Variants in AFF2 observed in about 807,000 individuals in gnomAD.
AFF2 encodes the protein AF4/FMR2 family member 2.
Under a neutral mutation model 76.9 loss-of-function variants are expected in AFF2, and 14 were observed. The observed-to-expected ratio is 0.18, with a 90% CI of 0.12 to 0.28. AFF2 has a LOEUF of 0.28. AFF2 is among the 10% of genes least tolerant of loss of function. The pLI, the probability that AFF2 is intolerant of heterozygous loss-of-function variation, is 1.00. For synonymous variants in AFF2, 398 were observed against 366.7 expected (o/e 1.09, Z -0.98); for missense variants, 868 against 1,001.1 (o/e 0.87, Z 1.79).
chrX:148,900,972 A>G (rs781790640), intron 8 of AFF2, among the ~76,000 whole-genome samples: 31 of 112,264 alleles, frequency 2.8e-4, no homozygotes, highest in African/African-American at 1.0e-3. Flanking sequence ...GTAAAAATCT[A>G]TGCATGAACA....
chrX:148,978,119 A>G, intron 17 of AFF2, 115 bp downstream of exon 17: 1 of 554,956 alleles, frequency 1.8e-6, no homozygotes, highest in Non-Finnish European at 3.1e-6. Flanking sequence ...CCATTAAACT[A>G]TTAAAGGATA....
At chrX:148,764,834 G>GA (rs2069493418) in intron 3 of AFF2, among the ~76,000 whole-genome samples, 1 of 111,797 alleles carries the variant, frequency 8.9e-6, no homozygotes, top group Admixed American at 9.5e-5. Flanking sequence ...TACTCAAAGG[G>GA]AAAATGCGCA....
chrX:148,793,117 C>T (rs148203853), intron 3 of AFF2, among the ~76,000 whole-genome samples: 3 of 111,505 alleles, frequency 2.7e-5, no homozygotes, highest in African/African-American at 9.8e-5. Context: ...ATGGCTATGA[C>T]CTCCTACACA....
At chrX:148,849,612 A>C (rs1225850182) in intron 7 of AFF2, among the ~76,000 whole-genome samples, 2 of 111,031 alleles carry the variant, frequency 1.8e-5, no homozygotes, top group Non-Finnish European at 3.8e-5. Context: ...CAATGCCAGC[A>C]ACCCAACTAA....
At chrX:148,704,192 G>A (rs1364938379) in intron 3 of AFF2, among the ~76,000 whole-genome samples, 3 of 88,920 alleles carry the variant, frequency 3.4e-5, no homozygotes, top group Admixed American at 1.4e-4. Flanking sequence ...TTTATGTTGG[G>A]TGAAATAGGA....
chrX:148,850,342 C>T (rs1420890584), intron 7 of AFF2, among the ~76,000 whole-genome samples: 3 of 111,819 alleles, frequency 2.7e-5, no homozygotes, highest in Non-Finnish European at 5.6e-5. Flanking sequence ...AAATAATTTT[C>T]AAAAATATCC....
chrX:148,653,280 T>A (rs782605829), intron 2 of AFF2, among the ~76,000 whole-genome samples: 1 of 112,213 alleles, frequency 8.9e-6, no homozygotes, highest in Non-Finnish European at 1.9e-5. Flanking sequence ...TATACTACTT[T>A]GAAGGTATAT....
intron 3 of AFF2, among the ~76,000 whole-genome samples, chrX:148,754,973 G>T (rs1392111994): frequency 8.9e-6 from 1 of 111,966 alleles, no homozygotes; most frequent in South Asian, 3.7e-4. Flanking sequence ...TTGAATGAAG[G>T]CATCAACATG....
intron 1 of AFF2, among the ~76,000 whole-genome samples, chrX:148,534,662 TAATA>T (rs2052764537): frequency 8.9e-6 from 1 of 112,400 alleles, no homozygotes. Context: ...AAAAGACTCT[TAATA>T]AAGGTTAGAT....
In AFF2 at chrX:148,852,861, G is replaced by A. The variant is rs782346432; in HGVS notation, c.1262+9428G>A. ...ATGCTGGTAGTCATATTTGAAGTCA[G>A]GCCTGCTTGGTGCTCTTTCCACTGT... On this transcript the variant is annotated intron_variant, in intron 7 of 20. Transcript: ENST00000370460. Among the ~76,000 whole-genome samples the A allele has an allele frequency of 5.4e-5, 6 of 111,878 alleles. No homozygotes were observed. The South Asian group carries it at 1.5e-3, about 28-fold the overall frequency.
intron 16 of AFF2, among the ~76,000 whole-genome samples, chrX:148,977,587 C>T (rs2072340842): frequency 9.7e-6 from 1 of 102,749 alleles, no homozygotes; most frequent in Non-Finnish European, 2.0e-5. Flanking sequence ...TACAGTGTTC[C>T]TAGAAACAGT....
At position 148,953,628 on chromosome X, in the gene AFF2, G is replaced by A; in HGVS notation, c.1446G>A (p.Gly482=). The change falls in exon 10 of 21, where the codon GGG becomes GGA. Residue 482 remains glycine, a synonymous_variant. Transcript: ENST00000370460. ...CCCCACCTGCAGTGCAAGCCAGCGGGGGTTCTGGCAGCTCCAGCGAATCGG... is the reference window on the plus strand; with the variant it reads ...CCCCACCTGCAGTGCAAGCCAGCGGAGGTTCTGGCAGCTCCAGCGAATCGG... ...PQPPPAVQAS[G]GSGSSSESES... 1 of 1,211,726 alleles carries A rather than the reference G, an allele frequency of 8.3e-7. No individual in the cohort carries two copies. Among genetic ancestry groups the A allele is most frequent in the Non-Finnish European group, 1.1e-6 (1 of 895,462 alleles).
intron 3 of AFF2, among the ~76,000 whole-genome samples, chrX:148,767,300 C>A (rs1283998365): frequency 9.0e-6 from 1 of 111,052 alleles, no homozygotes; most frequent in African/African-American, 3.3e-5. Context: ...GTTGTAAAAG[C>A]TAAACATTAA....
In AFF2 at chrX:148,544,261, G is replaced by T. The variant is rs781944771; in HGVS notation, c.47+43117G>T. 5.3e-5 allele frequency among the ~76,000 whole-genome samples: 6 copies of T among 112,582 alleles called. No homozygotes were observed. The South Asian group carries it at 2.2e-3, about 41-fold the overall frequency. Reference sequence around the variant, plus strand: ...TTAAATATAATCCAGTCCTTTCCAAGTTGAAATAATTTTGGGATTTGCCAT... The same window carrying T: ...TTAAATATAATCCAGTCCTTTCCAATTTGAAATAATTTTGGGATTTGCCAT... On this transcript the variant is annotated intron_variant, in intron 1 of 20. Coordinates refer to ENST00000370460, the MANE Select transcript of AFF2 (RefSeq NM_002025.4).
At chrX:148,852,475 A>G (rs2124006098) in intron 7 of AFF2, among the ~76,000 whole-genome samples, 1 of 109,441 alleles carries the variant, frequency 9.1e-6, no homozygotes, top group African/African-American at 3.3e-5. Context: ...TTTCAAAAGA[A>G]AAATCTTTTA....
intron 15 of AFF2, among the ~76,000 whole-genome samples, chrX:148,971,124 T>C (rs1188779623): frequency 9.3e-6 from 1 of 107,101 alleles, no homozygotes; most frequent in African/African-American, 3.5e-5. Flanking sequence ...GGTAACTTCA[T>C]TGTTTTTTTT....
chrX:148,866,369 A>T (rs1382710256), intron 7 of AFF2, among the ~76,000 whole-genome samples: 1 of 112,647 alleles, frequency 8.9e-6, no homozygotes. Context: ...AGAAAAAAAG[A>T]AAGAAGCTGT....
chrX:148,773,298 A>T (rs1168155053), intron 3 of AFF2, among the ~76,000 whole-genome samples: 6 of 111,124 alleles, frequency 5.4e-5, no homozygotes, highest in African/African-American at 2.0e-4. Flanking sequence ...AAATATATGT[A>T]TCTCTTTTAA....
intron 1 of AFF2, among the ~76,000 whole-genome samples, chrX:148,577,437 T>C (rs186504029): frequency 2.3e-4 from 26 of 112,400 alleles, no homozygotes; most frequent in African/African-American, 7.1e-4. Context: ...ATAAACCGTG[T>C]ATGCTGCTAT....
Sources: gnomAD v4.1 joint callset for allele counts (sites outside exome capture counted in the v4.1 genomes callset) on GRCh38, gnomAD v4.1.1 for gene constraint, MANE v1.5 for transcripts, NCBI Gene and HGNC (gene_info 2026-07-23, HGNC 2026-07-21) for gene names.